Variants in KCNAB2 observed in about 807,000 individuals in gnomAD.
The protein encoded by KCNAB2 is voltage-gated potassium channel subunit beta-2.
In KCNAB2, 29 loss-of-function variants were observed where a neutral mutation model predicts 63.6. The ratio of observed to expected loss-of-function variants is 0.46; its 90% CI spans 0.34 to 0.62. The LOEUF (loss-of-function observed/expected upper bound fraction) is 0.62, where lower values mean the gene tolerates loss of function less well. Ranked by LOEUF, KCNAB2 falls within the 20% of genes least tolerant of loss-of-function variation. The pLI is 0.01. For synonymous variants in KCNAB2, 222 were observed against 224.2 expected, an observed-to-expected ratio of 0.99 and a Z score of 0.09; for missense variants, 359 against 563.9, an observed-to-expected ratio of 0.64 and a Z score of 3.68.
intron 1 of KCNAB2, among the ~76,000 whole-genome samples, chr1:6,000,194 G>T (rs1657170565): frequency 6.6e-6 from 1 of 152,152 alleles, no homozygotes; most frequent in African/African-American, 2.4e-5. Context: ...CCCCTAGAGG[G>T]TATTGCCTTT....
intron 1 of KCNAB2, among the ~76,000 whole-genome samples, chr1:6,040,354 C>G (rs537270276): frequency 1.2e-3 from 190 of 152,278 alleles, no homozygotes; most frequent in African/African-American, 4.3e-3. Flanking sequence ...TGCCGTGTGT[C>G]TGTCTGTCGT....
upstream of KCNAB2, among the ~76,000 whole-genome samples, chr1:6,032,135 T>C (rs2100397546): frequency 6.6e-6 from 1 of 152,238 alleles, no homozygotes; most frequent in East Asian, 1.9e-4. Flanking sequence ...TCTCACCAAC[T>C]CTTGCATTCA....
chr1:5,999,442 A>G (rs1172461047), intron 1 of KCNAB2, among the ~76,000 whole-genome samples: 1 of 152,076 alleles, frequency 6.6e-6, no homozygotes, highest in Non-Finnish European at 1.5e-5. Flanking sequence ...GCCCACCTCT[A>G]CTTCTTAAGG....
In KCNAB2 at chr1:6,074,886, G is replaced by A. The variant is rs1188617595; in HGVS notation, c.300+1116G>A. ...GGAGAATTGCTTGAACCCAGAAGGG[G>A]GAGGTTGCAGTGAGCCGAGATCATA... On this transcript the variant is annotated intron_variant, in intron 4 of 15. Transcript: ENST00000378083. The surrounding 1 kb of genome is among the most constrained non-coding windows in gnomAD (Gnocchi z 4.9). 6.6e-6 allele frequency among the ~76,000 whole-genome samples: 1 copy of A among 151,724 alleles called. No homozygotes were observed. Among genetic ancestry groups the A allele is most frequent in the Non-Finnish European group, 1.5e-5 (1 of 67,942 alleles).
intron 1 of KCNAB2, among the ~76,000 whole-genome samples, chr1:6,001,068 G>A (rs1245991582): frequency 6.6e-6 from 1 of 152,166 alleles, no homozygotes; most frequent in African/African-American, 2.4e-5. Context: ...AGCATGGGGT[G>A]TCAGGGCACT....
chr1:6,083,060 G>C (rs1664345933), intron 5 of KCNAB2, among the ~76,000 whole-genome samples: 1 of 152,164 alleles, frequency 6.6e-6, no homozygotes, highest in East Asian at 1.9e-4. Flanking sequence ...CCCAGAGCCT[G>C]GGGAGCGCAC....
At chr1:6,061,246 A>T (rs2100591315) in intron 2 of KCNAB2, among the ~76,000 whole-genome samples, 1 of 152,374 alleles carries the variant, frequency 6.6e-6, no homozygotes, top group African/African-American at 2.4e-5. Flanking sequence ...GGAGAGACAG[A>T]AAAAGAACCA....
chr1:6,049,325 G>A (rs1340135307), intron 1 of KCNAB2, among the ~76,000 whole-genome samples: 4 of 152,238 alleles, frequency 2.6e-5, no homozygotes, highest in Admixed American at 2.6e-4. Flanking sequence ...GTGGCAGGAG[G>A]CAGAAGGGTC....
In KCNAB2 at chr1:5,994,305, T is replaced by C. The variant is rs906486120; in HGVS notation, c.-53+1517T>C. 3.9e-5 allele frequency among the ~76,000 whole-genome samples: 6 copies of C among 152,242 alleles called. No homozygotes were observed. Among genetic ancestry groups the C allele is most frequent in the African/African-American group, 1.4e-4 (6 of 41,460 alleles). ...GGACCTACGTGTGGAGAGTCACATC[T>C]GCCCACCTGATTCTCGCCTGGCGGC... On this transcript the variant is annotated intron_variant, in intron 1 of 16. Coordinates refer to the KCNAB2 transcript ENST00000341524. The surrounding 1 kb of genome is among the most constrained non-coding windows in gnomAD (Gnocchi z 5.4).
At chr1:6,054,947 T>TG (rs1220322230) in intron 2 of KCNAB2, among the ~76,000 whole-genome samples, 1 of 152,110 alleles carries the variant, frequency 6.6e-6, no homozygotes. Context: ...CGTGGAAAGT[T>TG]GGGGTTTTCC....
intron 8 of KCNAB2, among the ~76,000 whole-genome samples, 193 bp from the exon 9 acceptor site, chr1:6,090,196 A>C (rs2100761553): frequency 6.6e-6 from 1 of 152,176 alleles, no homozygotes; most frequent in African/African-American, 2.4e-5. Context: ...TGAAGGGAAG[A>C]TCCCCCCACT....
chr1:6,084,608 G>A (rs1273450073), intron 5 of KCNAB2, among the ~76,000 whole-genome samples: 1 of 151,984 alleles, frequency 6.6e-6, no homozygotes, highest in African/African-American at 2.4e-5. Flanking sequence ...TCGAGATGAG[G>A]AGTTCGAGAC....
At chr1:6,038,610 A>T (rs1457082757) in intron 1 of KCNAB2, among the ~76,000 whole-genome samples, 6 of 152,048 alleles carry the variant, frequency 3.9e-5, no homozygotes. Flanking sequence ...CCATTTTACC[A>T]GCAGGTCTAC....
At chr1:6,088,258 G>T (rs1664877470) in intron 7 of KCNAB2, among the ~76,000 whole-genome samples, 1 of 145,910 alleles carries the variant, frequency 6.9e-6, no homozygotes, top group Non-Finnish European at 1.5e-5. Context: ...TTGAGACAGG[G>T]TCTCACTTTG....
chr1:6,014,538 A>C (rs1170935940), intron 1 of KCNAB2, among the ~76,000 whole-genome samples: 1 of 152,252 alleles, frequency 6.6e-6, no homozygotes, highest in Non-Finnish European at 1.5e-5. Context: ...CACCAAAAAT[A>C]GTGTGGCATT....
At chr1:6,091,168 G>T in intron 9 of KCNAB2, 95 bp from the exon 10 acceptor site, 1 of 868,380 alleles carries the variant, frequency 1.2e-6, no homozygotes, top group South Asian at 1.4e-5. Context: ...TCTGCACGGT[G>T]ATTTGTGCCT....
intron 13 of KCNAB2, chr1:6,095,979 G>A (rs550084625): frequency 1.4e-5 from 6 of 425,014 alleles, no homozygotes; most frequent in Admixed American, 5.3e-5. Context: ...CCTGGGCTCC[G>A]AGATGGGGGC....
chr1:6,014,933 CA>C (rs1272680061), intron 1 of KCNAB2, among the ~76,000 whole-genome samples: 1 of 151,516 alleles, frequency 6.6e-6, no homozygotes, highest in East Asian at 1.9e-4. Context: ...CTCCAGCCCC[CA>C]GAGGAGCAGG....
chr1:6,039,034 C>T (rs1376577353), intron 1 of KCNAB2, among the ~76,000 whole-genome samples: 7 of 152,196 alleles, frequency 4.6e-5, no homozygotes, highest in Non-Finnish European at 1.0e-4. Context: ...AACACACCCC[C>T]CCCAGAGAGG....
Sources: allele counts gnomAD v4.1 joint callset (sites outside exome capture counted in the v4.1 genomes callset), GRCh38; gene constraint gnomAD v4.1.1; non-coding constraint Gnocchi (gnomAD v3.1); transcripts MANE v1.5; gene names NCBI Gene and HGNC (gene_info 2026-07-23, HGNC 2026-07-21).